The following PPARGC1A variants were observed in gnomAD, a reference collection of about 807,000 sequenced individuals.
PPARGC1A encodes PPARG coactivator 1 alpha.
In PPARGC1A, 25 loss-of-function variants were observed where a neutral mutation model predicts 88.7. The ratio of observed to expected loss-of-function variants is 0.28; its 90% CI spans 0.21 to 0.39. The LOEUF is 0.39. Among genes scored for constraint, PPARGC1A ranks in the 10% least tolerant of loss-of-function variants. The probability of loss-of-function intolerance (pLI) is 1.00; values close to 1 mark genes in which losing one functional copy is unlikely to be tolerated. For synonymous variants in PPARGC1A, 363 were observed against 355.6 expected (o/e 1.02, Z -0.24); for missense variants, 880 against 968.7 (o/e 0.91, Z 1.22).
chr4:24,109,035 A>C, the PPARGC1A span, among the ~76,000 whole-genome samples: 16 of 133,752 alleles, frequency 1.2e-4, no homozygotes, highest in South Asian at 6.8e-4. Context: ...ACACACACAC[A>C]CCACACACAC....
the PPARGC1A span, among the ~76,000 whole-genome samples, chr4:23,972,879 G>A: frequency 0.013 from 1,925 of 152,266 alleles, 20 homozygotes; most frequent in Middle Eastern, 0.037. Flanking sequence ...ATCTTCAGGT[G>A]TCCTACCCTA....
the PPARGC1A span, among the ~76,000 whole-genome samples, chr4:24,133,410 A>G: frequency 2.0e-5 from 3 of 152,226 alleles, no homozygotes; most frequent in African/African-American, 4.8e-5. Flanking sequence ...GAACTCTTGC[A>G]TATTTACACT....
chr4:24,443,273 A>C, the PPARGC1A span, among the ~76,000 whole-genome samples: 466 of 147,438 alleles, frequency 3.2e-3, no homozygotes, highest in Non-Finnish European at 4.6e-3. Context: ...TTTTTTTTAA[A>C]TAATATACCA....
chr4:23,897,623 T>C (rs1164606269), intron 1 of PPARGC1A, among the ~76,000 whole-genome samples: 1 of 147,966 alleles, frequency 6.8e-6, no homozygotes, highest in Admixed American at 6.7e-5. Flanking sequence ...AAATCAGAGA[T>C]ATTGTACAAG....
chr4:23,916,779 A>C, the PPARGC1A span, among the ~76,000 whole-genome samples: 1 of 152,214 alleles, frequency 6.6e-6, no homozygotes, highest in African/African-American at 2.4e-5. Context: ...AGTTATCATC[A>C]CCACCATTTA....
the PPARGC1A span, among the ~76,000 whole-genome samples, chr4:24,017,771 A>G: frequency 1.3e-5 from 2 of 152,220 alleles, no homozygotes; most frequent in South Asian, 4.1e-4. Context: ...TAGAAAAAAA[A>G]CTTATTATTC....
the PPARGC1A span, among the ~76,000 whole-genome samples, chr4:24,193,449 C>T: frequency 6.6e-6 from 1 of 152,152 alleles, no homozygotes; most frequent in South Asian, 2.1e-4. Context: ...AGAAGGGCAT[C>T]GTGGCAGGGA....
At chr4:24,018,496 A>AG in the PPARGC1A span, among the ~76,000 whole-genome samples, 1,651 of 152,146 alleles carry the variant, frequency 0.011, 49 homozygotes, top group East Asian at 0.12. Context: ...GAGGGTGATG[A>AG]GGGGGGGCAA....
intron 2 of PPARGC1A, among the ~76,000 whole-genome samples, chr4:23,868,104 C>T (rs574539018): frequency 6.6e-6 from 1 of 152,090 alleles, no homozygotes; most frequent in Non-Finnish European, 1.5e-5. Context: ...TTCCTGAGCT[C>T]TTCATTGAGT....
the PPARGC1A span, among the ~76,000 whole-genome samples, chr4:24,200,655 C>CAAAAAAAAAA: frequency 0.42 from 36,236 of 86,742 alleles, 12,268 homozygotes; most frequent in South Asian, 0.65. Flanking sequence ...ATTTATTAAG[C>CAAAAAAAAAA]AAAAAAAAAA....
chr4:23,849,186 G>C (rs1455251095), intron 2 of PPARGC1A, among the ~76,000 whole-genome samples: 1 of 152,080 alleles, frequency 6.6e-6, no homozygotes, highest in Non-Finnish European at 1.5e-5. Context: ...ATTGTGGTGA[G>C]GATTAAATGA....
At chr4:24,364,900 TG>T in the PPARGC1A span, among the ~76,000 whole-genome samples, 30 of 152,268 alleles carry the variant, frequency 2.0e-4, no homozygotes, top group South Asian at 2.1e-4. Context: ...TCACAGCATC[TG>T]GCATGGTGCT....
chr4:23,984,155 C>T, the PPARGC1A span, among the ~76,000 whole-genome samples: 2 of 152,040 alleles, frequency 1.3e-5, no homozygotes, highest in African/African-American at 4.8e-5. Flanking sequence ...GACATCCACA[C>T]CTGAATTTTT....
chr4:24,379,861 C>T, the PPARGC1A span, among the ~76,000 whole-genome samples: 1 of 149,776 alleles, frequency 6.7e-6, no homozygotes, highest in African/African-American at 2.5e-5. Flanking sequence ...TCACTGCTAT[C>T]TCCACCTCCC....
chr4:23,862,021 A>G (rs548394336), intron 2 of PPARGC1A, among the ~76,000 whole-genome samples: 2 of 152,316 alleles, frequency 1.3e-5, no homozygotes, highest in African/African-American at 4.8e-5. Context: ...CAATCAGTCA[A>G]CGAGTATCAA....
At chr4:24,339,870 C>G in the PPARGC1A span, among the ~76,000 whole-genome samples, 1 of 151,930 alleles carries the variant, frequency 6.6e-6, no homozygotes, top group Non-Finnish European at 1.5e-5. Context: ...TCCCGAGTAG[C>G]TGGGACTACA....
chr4:24,032,604 A>T, the PPARGC1A span, among the ~76,000 whole-genome samples: 1 of 152,180 alleles, frequency 6.6e-6, no homozygotes, highest in Non-Finnish European at 1.5e-5. Flanking sequence ...GGAGTTGACG[A>T]GGTTCATCTA....
At chr4:24,081,923 T>C in the PPARGC1A span, among the ~76,000 whole-genome samples, 1 of 151,874 alleles carries the variant, frequency 6.6e-6, no homozygotes, top group Non-Finnish European at 1.5e-5. Flanking sequence ...TTGGTAATAA[T>C]AACATTGCTG....
At chr4:23,991,261 A>G in the PPARGC1A span, among the ~76,000 whole-genome samples, 1 of 152,088 alleles carries the variant, frequency 6.6e-6, no homozygotes, top group Admixed American at 6.6e-5. Context: ...GTCCAATGAA[A>G]GTTCTATGAA....
Sources: allele counts gnomAD v4.1 joint callset (sites outside exome capture counted in the v4.1 genomes callset), GRCh38; gene constraint gnomAD v4.1.1; transcripts MANE v1.5; gene names NCBI Gene and HGNC (gene_info 2026-07-23, HGNC 2026-07-21).